TFEC: variants seen among roughly 807,000 people sequenced by gnomAD.
The protein encoded by TFEC is transcription factor EC, also known as class E basic helix-loop-helix protein 34.
In TFEC, 31 loss-of-function variants were observed where a neutral mutation model predicts 41.6. The observed-to-expected ratio is 0.74, with a 90% CI of 0.56 to 1.01. The LOEUF (loss-of-function observed/expected upper bound fraction) is 1.01. Among genes scored for constraint, TFEC ranks in the 50% least tolerant of loss-of-function variants. TFEC has a pLI of 0.00. For missense variants in TFEC, 402 were observed against 404.1 expected (o/e 0.99, Z 0.04); for synonymous variants, 143 against 140.6 (o/e 1.02, Z -0.12).
chr7:116,155,964 G>T (rs1432027118), intron 1 of TFEC, among the ~76,000 whole-genome samples: 24 of 151,962 alleles, frequency 1.6e-4, no homozygotes. Context: ...CGTAAATTTT[G>T]ATTTTTAAAA....
intron 1 of TFEC, among the ~76,000 whole-genome samples, chr7:115,990,847 C>G (rs1262056353): frequency 6.6e-6 from 1 of 152,150 alleles, no homozygotes; most frequent in African/African-American, 2.4e-5. Context: ...TCTAGCAAGG[C>G]AGGCCAACAT....
chr7:115,980,600 AT>A (rs930305654), intron 2 of TFEC, among the ~76,000 whole-genome samples: 15 of 152,094 alleles, frequency 9.9e-5, no homozygotes, highest in Admixed American at 9.8e-4. Flanking sequence ...AAATACAAAA[AT>A]TAGCTGGGCG....
chr7:116,116,147 T>G (rs1427357514), intron 1 of TFEC, among the ~76,000 whole-genome samples: 3 of 151,902 alleles, frequency 2.0e-5, no homozygotes, highest in Non-Finnish European at 2.9e-5. Flanking sequence ...GGCTCAAAAT[T>G]TACTCATTAC....
At chr7:116,058,071 A>C (rs1412870874) in intron 3 of TFEC, among the ~76,000 whole-genome samples, 1 of 151,870 alleles carries the variant, frequency 6.6e-6, no homozygotes, top group African/African-American at 2.4e-5. Flanking sequence ...CTTATTACCC[A>C]ATTAAAAGGC....
At position 116,071,533 on chromosome 7, in the gene TFEC, A is replaced by G. The variant is rs561361167; in HGVS notation, c.198+39175T>C. The stretch of plus-strand genomic sequence containing the variant: ...AATTATTCTTAACATGATTTTAAGA[A>G]TAAGTTGTTAAATTAGAAAAATATT... On this transcript the variant is annotated intron_variant, in intron 3 of 8. Coordinates refer to the TFEC transcript ENST00000484212. Among the ~76,000 whole-genome samples, 14 of 151,508 alleles carry G rather than the reference A, an allele frequency of 9.2e-5. No individual in the cohort carries two copies. In the South Asian group the frequency reaches 2.3e-3, roughly 25 times the overall value.
At chr7:116,038,428 C>A (rs184104993) in intron 3 of TFEC, among the ~76,000 whole-genome samples, 1 of 151,814 alleles carries the variant, frequency 6.6e-6, no homozygotes, top group Admixed American at 6.6e-5. Flanking sequence ...AAGGCATAAA[C>A]GACTGATAAG....
chr7:115,992,406 A>G (rs915895320), intron 1 of TFEC, among the ~76,000 whole-genome samples: 4 of 152,210 alleles, frequency 2.6e-5, no homozygotes, highest in Non-Finnish European at 4.4e-5. Flanking sequence ...CAAAAAATCA[A>G]TGAATCCAGG....
intron 3 of TFEC, among the ~76,000 whole-genome samples, chr7:116,057,714 T>A (rs1263754369): frequency 6.6e-6 from 1 of 151,744 alleles, no homozygotes; most frequent in Admixed American, 6.6e-5. Context: ...GTTTATACTA[T>A]CAGTAAAAGT....
chr7:116,068,773 A>G (rs778180869), intron 3 of TFEC, among the ~76,000 whole-genome samples: 4 of 151,736 alleles, frequency 2.6e-5, no homozygotes, highest in Non-Finnish European at 5.9e-5. Context: ...CAGAAAATCT[A>G]CTAGATACAT....
At chr7:115,980,764 CAAAACAAAA>C (rs796078440) in intron 2 of TFEC, among the ~76,000 whole-genome samples, 67 of 136,496 alleles carry the variant, frequency 4.9e-4, no homozygotes, top group African/African-American at 1.6e-3. Flanking sequence ...AAAAACAAAA[CAAAACAAAA>C]AAAACAAAAA....
At chr7:115,979,366 C>T (rs573798278) in intron 2 of TFEC, among the ~76,000 whole-genome samples, 9 of 152,180 alleles carry the variant, frequency 5.9e-5, no homozygotes, top group African/African-American at 2.2e-4. Context: ...CTCTATTCTG[C>T]GCTCATGCTA....
Position 115,942,239 on chromosome 7 carries a change from TAA to T in TFEC, c.516-201_516-200del, listed in dbSNP as rs1305159702. 7.2e-5 allele frequency among the ~76,000 whole-genome samples: 11 copies of T among 151,952 alleles called. No individual in the cohort carries two copies. In the East Asian group the frequency reaches 7.7e-4, roughly 11 times the overall value. ...AGTAAAATTAATCCCAGAATGAAAA[TAA>T]GTGTCAAAAGAAAGTAATAAAGTGA... On this transcript the variant is annotated intron_variant, in intron 6 of 7. Coordinates refer to ENST00000265440, the MANE Select transcript of TFEC (RefSeq NM_012252.4).
chr7:115,970,835 G>A (rs1439809350), intron 3 of TFEC, among the ~76,000 whole-genome samples: 1 of 151,752 alleles, frequency 6.6e-6, no homozygotes, highest in Non-Finnish European at 1.5e-5. Context: ...GCTTCCTGAG[G>A]CCCTCACCAG....
rs750000147 is a variant in TFEC at position 115,940,503 on chromosome 7, AC to A, written c.*47del. 1 of 1,548,634 alleles carries A rather than the reference AC, an allele frequency of 6.5e-7. No homozygotes were observed. Among genetic ancestry groups the A allele is most frequent in the African/African-American group, 1.4e-5 (1 of 72,996 alleles). On this transcript the variant is annotated 3_prime_UTR_variant, in exon 8 of 8. Transcript: ENST00000265440. ...GAAACACAGAGCATAATTGCATAGC[AC>A]CAGCATAGAATTGCTTTCCAGTTGA... is the stretch of plus-strand genomic sequence containing the variant.
At chr7:116,039,102 A>C (rs1393034158) in intron 3 of TFEC, among the ~76,000 whole-genome samples, 2 of 143,406 alleles carry the variant, frequency 1.4e-5, no homozygotes, top group Non-Finnish European at 3.0e-5. Context: ...ACCCAATTAT[A>C]TGCTAAGTGA....
upstream of TFEC, among the ~76,000 whole-genome samples, chr7:116,035,542 T>C (rs2130906338): frequency 6.6e-6 from 1 of 152,202 alleles, no homozygotes; most frequent in East Asian, 1.9e-4. Flanking sequence ...GGTACATTTG[T>C]TAATATTTAC....
intron 3 of TFEC, among the ~76,000 whole-genome samples, chr7:116,063,522 G>A (rs1006772919): frequency 6.6e-6 from 1 of 152,148 alleles, no homozygotes; most frequent in African/African-American, 2.4e-5. Context: ...CGGAGGCTGA[G>A]GCAGGAGAAT....
intron 6 of TFEC, among the ~76,000 whole-genome samples, chr7:115,944,127 G>T (rs1793666843): frequency 6.9e-6 from 1 of 144,814 alleles, no homozygotes; most frequent in Non-Finnish European, 1.5e-5. Context: ...AAAAGCAGGA[G>T]GAATTTGGTT....
At chr7:116,101,458 T>C (rs1037531622) in intron 3 of TFEC, among the ~76,000 whole-genome samples, 2 of 152,122 alleles carry the variant, frequency 1.3e-5, no homozygotes, top group Admixed American at 1.3e-4. Flanking sequence ...AAGATGAAGG[T>C]AGAATCAGAA....
Sources: allele counts gnomAD v4.1 joint callset (sites outside exome capture counted in the v4.1 genomes callset), GRCh38; gene constraint gnomAD v4.1.1; transcripts MANE v1.5; gene names NCBI Gene and HGNC (gene_info 2026-07-23, HGNC 2026-07-21).